The following SLC2A14 variants were observed in gnomAD, a reference collection of about 807,000 sequenced individuals.
SLC2A14 encodes the protein solute carrier family 2, facilitated glucose transporter member 14.
In SLC2A14, 13 loss-of-function variants were observed where a neutral mutation model predicts 43.0. The observed-to-expected ratio is 0.30, with a 90% CI of 0.20 to 0.48. SLC2A14 has a LOEUF of 0.48. SLC2A14 is among the 20% of genes least tolerant of loss of function. The pLI is 0.99. For synonymous variants in SLC2A14, 190 were observed against 233.8 expected (o/e 0.81, Z 1.71); for missense variants, 428 against 620.4 (o/e 0.69, Z 3.29).
At chr12:7,822,029 T>C (rs1028493606) in intron 7 of SLC2A14, among the ~76,000 whole-genome samples, 2 of 151,898 alleles carry the variant, frequency 1.3e-5, no homozygotes, top group African/African-American at 4.8e-5. Context: ...TTTCACCATG[T>C]TAGCCAGGAT....
intron 2 of SLC2A14, among the ~76,000 whole-genome samples, chr12:7,841,642 T>A (rs1445719790): frequency 2.0e-5 from 3 of 152,226 alleles, no homozygotes; most frequent in African/African-American, 7.2e-5. Context: ...TCAAGTTCAT[T>A]CTTTGTGTTG....
At chr12:7,873,729 G>A (rs1223118404), upstream of SLC2A14, among the ~76,000 whole-genome samples, 3 of 152,032 alleles carry the variant, frequency 2.0e-5, no homozygotes. Flanking sequence ...AAGCCCCGCG[G>A]TCGTTCTCTC....
chr12:7,825,786 G>GA (rs1186466321), intron 7 of SLC2A14, among the ~76,000 whole-genome samples: 1 of 104,268 alleles, frequency 9.6e-6, no homozygotes, highest in Middle Eastern at 3.9e-3. Context: ...AAAAAAGAAA[G>GA]AAAAGAAAAG....
At chr12:7,857,287 C>A (rs1265755563) in intron 2 of SLC2A14, among the ~76,000 whole-genome samples, 1 of 144,952 alleles carries the variant, frequency 6.9e-6, no homozygotes, top group South Asian at 2.2e-4. Context: ...TAAACAAAAA[C>A]CATTCATAAA....
chr12:7,884,703 C>T lies in SLC2A14; in HGVS notation c.132+6293G>A, dbSNP rs143732689. ...GTTCTTCCTCCTTCTCTAACACCTA[C>T]TGAGAAATTGAGAAGGCGATTCTCT... On this transcript the variant is annotated intron_variant, in intron 1 of 9. Coordinates refer to the SLC2A14 transcript ENST00000539924. Among the ~76,000 whole-genome samples, 33 of 152,230 alleles carry T rather than the reference C, an allele frequency of 2.2e-4. No homozygotes were observed. The East Asian group carries it at 6.2e-3, about 29-fold the overall frequency.
chr12:7,818,837 A>T (rs1863695813), intron 9 of SLC2A14, among the ~76,000 whole-genome samples: 1 of 152,048 alleles, frequency 6.6e-6, no homozygotes, highest in Non-Finnish European at 1.5e-5. Context: ...TGGATTTTTG[A>T]ATCCCATCTA....
At chr12:7,865,552 A>C (rs955438760) in intron 2 of SLC2A14, among the ~76,000 whole-genome samples, 1 of 151,930 alleles carries the variant, frequency 6.6e-6, no homozygotes, top group African/African-American at 2.4e-5. Flanking sequence ...AAAAAATGAA[A>C]ATAAAAATAA....
chr12:7,845,260 G>A (rs1592233496), intron 2 of SLC2A14, among the ~76,000 whole-genome samples: 1 of 152,260 alleles, frequency 6.6e-6, no homozygotes, highest in Non-Finnish European at 1.5e-5. Context: ...GGATATCACA[G>A]CTTGCAAATG....
At chr12:7,874,690 A>T (rs1236721798), upstream of SLC2A14, among the ~76,000 whole-genome samples, 1 of 143,896 alleles carries the variant, frequency 6.9e-6, no homozygotes, top group Non-Finnish European at 1.5e-5. Context: ...ATATAAATAT[A>T]TATATAAATA....
upstream of SLC2A14, among the ~76,000 whole-genome samples, chr12:7,876,084 G>C (rs1013340318): frequency 6.6e-6 from 1 of 151,808 alleles, no homozygotes; most frequent in African/African-American, 2.4e-5. Context: ...TTTGAGACCT[G>C]CCTGGCCAGC....
rs778252683 is a variant in SLC2A14 at position 7,821,032 on chromosome 12, A to G, written c.969+189T>C. On this transcript the variant is annotated intron_variant, in intron 8 of 10. Transcript: ENST00000431042. ...AACCCAGGAGGCTGAGGTTGCAGTG[A>G]GCCGAGATTGCACCACTGCACTCCA... Among the ~76,000 whole-genome samples the G allele has an allele frequency of 7.2e-5, 11 of 152,296 alleles. No homozygotes were observed. The South Asian group carries it at 2.3e-3, about 32-fold the overall frequency.
At chr12:7,874,700 A>G (rs910254371), upstream of SLC2A14, among the ~76,000 whole-genome samples, 5 of 143,724 alleles carry the variant, frequency 3.5e-5, no homozygotes, top group Non-Finnish European at 7.5e-5. Flanking sequence ...ATATATAAAT[A>G]TATATAAATA....
chr12:7,881,519 T>C (rs983729220), intron 1 of SLC2A14, among the ~76,000 whole-genome samples: 1 of 152,148 alleles, frequency 6.6e-6, no homozygotes, highest in Non-Finnish European at 1.5e-5. Flanking sequence ...TGCCTTCCCA[T>C]GGGGCAGGGC....
In SLC2A14 at chr12:7,884,162, T is replaced by C. The variant is rs189127680; in HGVS notation, c.132+6834A>G. ...ATGGTCTTGATCTGACCTCGTGATC[T>C]GCCCGCCTCAGCCTCCCAAAGTGCT... On this transcript the variant is annotated intron_variant, in intron 1 of 9. Transcript: ENST00000539924. 4.2e-4 allele frequency among the ~76,000 whole-genome samples: 64 copies of C among 151,852 alleles called. No homozygotes were observed. The East Asian group carries it at 9.1e-3, about 22-fold the overall frequency.
At chr12:7,882,091 G>T (rs1945587741) in intron 1 of SLC2A14, among the ~76,000 whole-genome samples, 1 of 152,200 alleles carries the variant, frequency 6.6e-6, no homozygotes, top group Admixed American at 6.5e-5. Context: ...ACACTTGGAG[G>T]CTTTGTTCTT....
At chr12:7,824,728 C>A (rs373627208) in intron 7 of SLC2A14, among the ~76,000 whole-genome samples, 1,613 of 113,136 alleles carry the variant, frequency 0.014, no homozygotes, top group Middle Eastern at 0.019. Context: ...GACTCTGTCT[C>A]AAAAAAAAAA....
intron 2 of SLC2A14, among the ~76,000 whole-genome samples, chr12:7,857,218 C>G (rs1258565357): frequency 3.3e-5 from 5 of 151,898 alleles, no homozygotes; most frequent in African/African-American, 1.2e-4. Flanking sequence ...CTACTATACT[C>G]CAGCCTGGGT....
At position 7,866,224 on chromosome 12, in the gene SLC2A14, C is replaced by CAAA. The variant is rs1294745106; in HGVS notation, c.18+3636_18+3638dup. On this transcript the variant is annotated intron_variant, in intron 2 of 10. Coordinates refer to ENST00000431042, the MANE Select transcript of SLC2A14 (RefSeq NM_001286234.2). The stretch of plus-strand genomic sequence containing the variant: ...TGGGTGACAGACCAAGACTCTGTCT[C>CAAA]AAAAAAAAAAAAAAAAAAGAAAAGA... Among the ~76,000 whole-genome samples the CAAA allele has an allele frequency of 1.2e-3, 112 of 93,550 alleles. 1 individual carries two copies. Among genetic ancestry groups the CAAA allele is most frequent in the East Asian group, 5.7e-3 (16 of 2,822 alleles). 61.4% of individuals were successfully genotyped at this position (93,550 alleles called of 152,430 possible). A position where few individuals can be genotyped will look rare whatever the true frequency, so the allele number is the denominator to read the frequency against.
chr12:7,856,316 C>G (rs1398629008), intron 2 of SLC2A14: 1 of 152,190 alleles, frequency 6.6e-6, no homozygotes, highest in East Asian at 1.9e-4. Flanking sequence ...TAATCTCCCA[C>G]GAGCGGGGGA....
Sources: allele counts gnomAD v4.1 joint callset (sites outside exome capture counted in the v4.1 genomes callset), GRCh38; gene constraint gnomAD v4.1.1; transcripts MANE v1.5; gene names NCBI Gene and HGNC (gene_info 2026-07-23, HGNC 2026-07-21).